The following P2RX7 variants were observed in gnomAD, a reference collection of about 807,000 sequenced individuals.
P2RX7 encodes the protein purinergic receptor P2X 7.
Under a neutral mutation model 71.6 loss-of-function variants are expected in P2RX7, and 62 were observed. The ratio of observed to expected loss-of-function variants is 0.87; its 90% CI spans 0.71 to 1.07. The LOEUF (loss-of-function observed/expected upper bound fraction) is 1.07. Among genes scored for constraint, P2RX7 ranks in the 50% least tolerant of loss-of-function variants. P2RX7 has a pLI of 0.00. For missense variants in P2RX7, 686 were observed against 748.5 expected (o/e 0.92, Z 0.97); for synonymous variants, 299 against 283.3 (o/e 1.06, Z -0.56).
chr12:121,157,764 G>A (rs1249385865), intron 3 of P2RX7, among the ~76,000 whole-genome samples: 1 of 152,206 alleles, frequency 6.6e-6, no homozygotes, highest in Non-Finnish European at 1.5e-5. Context: ...CCTCAGGCAG[G>A]TGACTCTTCA....
chr12:121,140,023 C>T (rs554096833), intron 1 of P2RX7, among the ~76,000 whole-genome samples: 11 of 152,264 alleles, frequency 7.2e-5, no homozygotes, highest in South Asian at 4.1e-4. Flanking sequence ...TGAGCCACTG[C>T]GCCCAGCCTG....
At chr12:121,165,942 T>G (rs208306) in intron 6 of P2RX7, 116 bp from the exon 7 acceptor site, 288,392 of 1,084,592 alleles carry the variant, frequency 0.27, 39,567 homozygotes, top group South Asian at 0.32. Context: ...CAGGAGGCAG[T>G]GATCATTTGG....
At chr12:121,177,861 G>A (rs1349260247) in intron 11 of P2RX7, among the ~76,000 whole-genome samples, 1 of 151,976 alleles carries the variant, frequency 6.6e-6, no homozygotes, top group Non-Finnish European at 1.5e-5. Flanking sequence ...TGGGACTACA[G>A]GGGCACACCA....
At chr12:121,175,510 C>A in intron 9 of P2RX7, 32 bp downstream of exon 9, 1 of 927,046 alleles carries the variant, frequency 1.1e-6, no homozygotes, top group Non-Finnish European at 1.8e-6. Context: ...CGGGCACCGG[C>A]ATCCTATGAC....
At chr12:121,174,674 C>T (rs1258632413) in intron 8 of P2RX7, among the ~76,000 whole-genome samples, 1 of 152,148 alleles carries the variant, frequency 6.6e-6, no homozygotes, top group East Asian at 1.9e-4. Flanking sequence ...TTTACCACCG[C>T]CCACTCCCAC....
chr12:121,183,686 G>A (rs1487296207), intron 12 of P2RX7, among the ~76,000 whole-genome samples: 3 of 152,138 alleles, frequency 2.0e-5, no homozygotes. Context: ...AATCATGTGG[G>A]AGAAAAGCTG....
At chr12:121,161,406 T>C (rs1320700099) in intron 4 of P2RX7, among the ~76,000 whole-genome samples, 10 of 152,164 alleles carry the variant, frequency 6.6e-5, no homozygotes. Flanking sequence ...TTTTGCACTG[T>C]TTTATTTTGA....
chr12:121,138,135 G>A (rs963704251), intron 1 of P2RX7, among the ~76,000 whole-genome samples: 4 of 152,176 alleles, frequency 2.6e-5, no homozygotes, highest in Non-Finnish European at 4.4e-5. Context: ...TAACCACAAA[G>A]CCTCAAAGGG....
At chr12:121,172,774 G>T (rs1882444072) in intron 8 of P2RX7, among the ~76,000 whole-genome samples, 1 of 152,224 alleles carries the variant, frequency 6.6e-6, no homozygotes, top group African/African-American at 2.4e-5. Flanking sequence ...GAGAATATCT[G>T]ATCGATTTCA....
intron 8 of P2RX7, among the ~76,000 whole-genome samples, chr12:121,175,119 G>A (rs1882846051): frequency 6.6e-6 from 1 of 151,962 alleles, no homozygotes; most frequent in Admixed American, 6.6e-5. Context: ...AGACCAGCCT[G>A]GGCAACATGG....
Position 121,177,324 on chromosome 12 carries a change from G to T in P2RX7, c.1066G>T (p.Asp356Tyr). ...LAAVFIDFLIDTYSSNCCRSH... is the reference protein window; with the variant it reads ...LAAVFIDFLIYTYSSNCCRSH... ...CGCTGTGTTCATCGACTTCCTCATCGACACTTACTCCAGTAACTGCTGTCG... is the reference window on the plus strand; with the variant it reads ...CGCTGTGTTCATCGACTTCCTCATCTACACTTACTCCAGTAACTGCTGTCG... Residue 356 changes from aspartate (D) to tyrosine (Y), a missense_variant, in exon 11 of 13, where the codon GAC becomes TAC. Asp to Tyr is a radical substitution (Grantham distance 160, BLOSUM62 -3). Transcript: ENST00000328963. The T allele has an allele frequency of 6.2e-7, 1 of 1,613,930 alleles. No homozygotes were observed. The highest frequency in any genetic ancestry group is 8.5e-7 in the Non-Finnish European group (1 of 1,180,004).
intron 1 of P2RX7, among the ~76,000 whole-genome samples, chr12:121,136,894 C>T (rs1344333316): frequency 6.6e-6 from 1 of 152,062 alleles, no homozygotes; most frequent in Non-Finnish European, 1.5e-5. Context: ...AGCAATCCAC[C>T]CGCCTTGGCC....
Position 121,167,638 on chromosome 12 carries a change from C to T in P2RX7, c.881+14C>T. ...CTACAACTTCAGGTAACTCCAAGGC[C>T]CAGGTCAAACTCACCCAGTGGCTGA... On this transcript the variant is annotated intron_variant, in intron 8 of 12. Coordinates refer to ENST00000328963, the MANE Select transcript of P2RX7 (RefSeq NM_002562.6). 6.5e-7 allele frequency: 1 copy of T among 1,529,206 alleles called. No individual in the cohort carries two copies. The highest frequency in any genetic ancestry group is 8.8e-7 in the Non-Finnish European group (1 of 1,135,652). 94.7% of individuals were successfully genotyped at this position (1,529,206 alleles called of 1,614,324 possible). A position where few individuals can be genotyped will look rare whatever the true frequency, so the allele number is the denominator to read the frequency against.
intron 5 of P2RX7, among the ~76,000 whole-genome samples, chr12:121,163,557 G>C (rs1466382961): frequency 9.5e-6 from 1 of 105,698 alleles, no homozygotes; most frequent in Non-Finnish European, 2.2e-5. Context: ...TAGATAGAAA[G>C]ATAGATAGAT....
intron 5 of P2RX7, among the ~76,000 whole-genome samples, chr12:121,163,919 G>T (rs567704437): frequency 5.3e-5 from 8 of 152,266 alleles, no homozygotes; most frequent in Admixed American, 4.6e-4. Flanking sequence ...TCAGGCGAAG[G>T]TTTCCCAATG....
At position 121,177,158 on chromosome 12, in the gene P2RX7, T is replaced by G; in HGVS notation, c.984T>G (p.Phe328Leu). 6.2e-7 allele frequency: 1 copy of G among 1,614,164 alleles called. No individual in the cohort carries two copies. The highest frequency in any genetic ancestry group is 8.5e-7 in the Non-Finnish European group (1 of 1,180,010). Residue 328 changes from phenylalanine to leucine, a missense_variant, in exon 10 of 13, where the codon TTT becomes TTG. Physicochemically the swap from Phe to Leu is conservative, Grantham distance 22 (BLOSUM62 0). Coordinates refer to ENST00000328963, the MANE Select transcript of P2RX7 (RefSeq NM_002562.6). ...DILVFGTGGK[F>L]DIIQLVVYIG... ...CACTCTGTTTTTAGGGAGGAAAATT[T>G]GACATTATCCAGCTGGTTGTGTACA...
chr12:121,160,912 G>A lies in P2RX7; in HGVS notation c.374G>A (p.Arg125His), dbSNP rs201668926. 42 of 1,613,348 alleles carry A rather than the reference G, an allele frequency of 2.6e-5. No homozygotes were observed. The highest frequency in any genetic ancestry group is 5.3e-5 in the African/African-American group (4 of 74,882). Residue 125 changes from arginine to histidine, a missense_variant, in exon 4 of 13, where the codon CGC (arginine) becomes CAC (histidine). By Grantham distance (29) the Arg-to-His change is conservative. Coordinates refer to ENST00000328963, the MANE Select transcript of P2RX7 (RefSeq NM_002562.6). ...EQRLCPEYPT[R>H]RTLCSSDRGC... The stretch of plus-strand genomic sequence containing the variant: ...TCCTTCTATCTGCAGTATCCCACCC[G>A]CAGGACGCTCTGTTCCTCTGACCGA...
intron 9 of P2RX7, among the ~76,000 whole-genome samples, chr12:121,176,313 TGGAA>T (rs1278459783): frequency 6.6e-6 from 1 of 150,566 alleles, no homozygotes; most frequent in Admixed American, 6.6e-5. Flanking sequence ...CTTCTGAAGA[TGGAA>T]GGAAAAGATG....
intron 3 of P2RX7, 60 bp from the exon 4 acceptor site, chr12:121,160,842 T>G: frequency 7.7e-7 from 1 of 1,294,814 alleles, no homozygotes; most frequent in Non-Finnish European, 1.1e-6. Context: ...TCGAATCACT[T>G]CTCCACGTCT....
Sources: gnomAD v4.1 joint callset for allele counts (sites outside exome capture counted in the v4.1 genomes callset) on GRCh38, gnomAD v4.1.1 for gene constraint, MANE v1.5 for transcripts, NCBI Gene and HGNC (gene_info 2026-07-23, HGNC 2026-07-21) for gene names.